Variants in ADGRL2 observed in about 807,000 individuals in gnomAD.
The protein encoded by ADGRL2 is adhesion G protein-coupled receptor L2.
In ADGRL2, 44 loss-of-function variants were observed where a neutral mutation model predicts 157.4. The ratio of observed to expected loss-of-function variants is 0.28; its 90% CI spans 0.22 to 0.36. The LOEUF (loss-of-function observed/expected upper bound fraction) is 0.36. Among genes scored for constraint, ADGRL2 ranks in the 10% least tolerant of loss-of-function variants. The probability of loss-of-function intolerance (pLI) is 1.00; values close to 1 mark genes in which losing one functional copy is unlikely to be tolerated. For missense variants in ADGRL2, 1,510 were observed against 1,768.9 expected (o/e 0.85, Z 2.63); for synonymous variants, 585 against 624.7 (o/e 0.94, Z 0.95).
intron 2 of ADGRL2, among the ~76,000 whole-genome samples, chr1:81,786,431 AGCTGAGTTGTGGT>A (rs2087049767): frequency 6.6e-6 from 1 of 152,106 alleles, no homozygotes; most frequent in Non-Finnish European, 1.5e-5. Context: ...CACAAAAAAT[AGCTGAGTTGTGGT>A]GCACACCTAT....
chr1:81,893,340 G>C (rs995248142), intron 2 of ADGRL2, among the ~76,000 whole-genome samples: 1 of 116,872 alleles, frequency 8.6e-6, no homozygotes, highest in East Asian at 2.0e-4. Flanking sequence ...TTTTTTTCTT[G>C]AATAGTACAG....
intron 3 of ADGRL2, among the ~76,000 whole-genome samples, chr1:81,628,001 A>G (rs2081943044): frequency 3.9e-5 from 6 of 152,166 alleles, no homozygotes; most frequent in Admixed American, 3.9e-4. Context: ...TAACAATCAT[A>G]TTCATTACAG....
intron 2 of ADGRL2, among the ~76,000 whole-genome samples, chr1:81,900,645 A>G (rs1206175747): frequency 1.3e-5 from 2 of 152,218 alleles, no homozygotes; most frequent in African/African-American, 4.8e-5. Flanking sequence ...GGAAATGAAG[A>G]AACCATAAAC....
intron 3 of ADGRL2, among the ~76,000 whole-genome samples, chr1:81,909,728 T>C (rs115935592): frequency 0.019 from 2,874 of 152,216 alleles, 91 homozygotes; most frequent in African/African-American, 0.066. Flanking sequence ...GCTTGTTTTT[T>C]TTTTTACCTT....
At chr1:81,859,068 T>A (rs2093304589) in intron 2 of ADGRL2, among the ~76,000 whole-genome samples, 1 of 152,206 alleles carries the variant, frequency 6.6e-6, no homozygotes, top group Non-Finnish European at 1.5e-5. Flanking sequence ...TCAAATTATT[T>A]GATAACTAGA....
intron 2 of ADGRL2, among the ~76,000 whole-genome samples, chr1:81,536,391 G>A (rs2079738323): frequency 6.6e-6 from 1 of 152,152 alleles, no homozygotes; most frequent in African/African-American, 2.4e-5. Flanking sequence ...GCACATTGAT[G>A]TCTTGAAACA....
chr1:81,445,256 G>C (rs1229094120), intron 2 of ADGRL2, among the ~76,000 whole-genome samples: 1 of 152,150 alleles, frequency 6.6e-6, no homozygotes, highest in African/African-American at 2.4e-5. Flanking sequence ...TGGAGATGAG[G>C]GAAGAAGAAA....
chr1:81,789,172 A>G lies in ADGRL2; in HGVS notation c.-101+27320A>G, dbSNP rs567652163. Among the ~76,000 whole-genome samples the G allele has an allele frequency of 2.6e-5, 4 of 152,288 alleles. No homozygotes were observed. The East Asian group carries it at 7.7e-4, about 29-fold the overall frequency. ...ATTTTATACAGGCCACAGCAGTTTG[A>G]GACCTCTATTTTATGCTTTGCTAAG... On this transcript the variant is annotated intron_variant, in intron 2 of 20. Transcript: ENST00000359929.
chr1:81,469,951 T>C (rs1010447157), intron 2 of ADGRL2, among the ~76,000 whole-genome samples: 1 of 152,218 alleles, frequency 6.6e-6, no homozygotes, highest in African/African-American at 2.4e-5. Flanking sequence ...AGTCAGCCTG[T>C]GGACTGATAG....
At chr1:81,320,656 G>C (rs1361307218) in intron 1 of ADGRL2, among the ~76,000 whole-genome samples, 1 of 152,170 alleles carries the variant, frequency 6.6e-6, no homozygotes, top group East Asian at 1.9e-4. Flanking sequence ...TTGTAAGAAA[G>C]CTTCTTTTCT....
chr1:81,712,235 C>T (rs547941996), intron 1 of ADGRL2, among the ~76,000 whole-genome samples: 1 of 152,226 alleles, frequency 6.6e-6, no homozygotes, highest in East Asian at 1.9e-4. Flanking sequence ...GAAGGAAGGA[C>T]CTGGATGGTT....
chr1:81,674,096 T>C (rs1232278921), intron 3 of ADGRL2, among the ~76,000 whole-genome samples: 1 of 152,238 alleles, frequency 6.6e-6, no homozygotes, highest in Non-Finnish European at 1.5e-5. Flanking sequence ...TAAAATATGT[T>C]ATATCTAATG....
At chr1:81,948,365 A>G (rs1486541956) in intron 6 of ADGRL2, among the ~76,000 whole-genome samples, 1 of 152,166 alleles carries the variant, frequency 6.6e-6, no homozygotes, top group African/African-American at 2.4e-5. Context: ...GGTTATTATG[A>G]ATCTCAACTA....
chr1:81,454,591 C>T (rs4350242), intron 2 of ADGRL2, among the ~76,000 whole-genome samples: 72,747 of 151,948 alleles, frequency 0.48, 19,500 homozygotes, highest in Non-Finnish European at 0.59. Flanking sequence ...TGCATTAAAC[C>T]TACCTGAAGG....
At chr1:81,453,801 T>G (rs1487230022) in intron 2 of ADGRL2, among the ~76,000 whole-genome samples, 1 of 152,318 alleles carries the variant, frequency 6.6e-6, no homozygotes, top group South Asian at 2.1e-4. Flanking sequence ...ATTAGCAATG[T>G]TGTGATGTCC....
intron 2 of ADGRL2, among the ~76,000 whole-genome samples, chr1:81,545,019 A>T (rs1222527162): frequency 6.6e-6 from 1 of 152,170 alleles, no homozygotes; most frequent in Non-Finnish European, 1.5e-5. Context: ...AGGTCACGAG[A>T]CATCCCTGGT....
intron 2 of ADGRL2, among the ~76,000 whole-genome samples, chr1:81,786,170 G>A (rs1050136704): frequency 6.6e-6 from 1 of 152,076 alleles, no homozygotes; most frequent in Non-Finnish European, 1.5e-5. Flanking sequence ...CTATAATCAT[G>A]CTAAAAATTT....
At chr1:81,983,208 G>C (rs1662156070) in intron 19 of ADGRL2, among the ~76,000 whole-genome samples, 1 of 151,852 alleles carries the variant, frequency 6.6e-6, no homozygotes, top group South Asian at 2.1e-4. Context: ...ATGCTTTTTA[G>C]ATTTAACAAT....
intron 2 of ADGRL2, among the ~76,000 whole-genome samples, chr1:81,782,818 A>T (rs1477765283): frequency 6.6e-6 from 1 of 152,238 alleles, no homozygotes; most frequent in Non-Finnish European, 1.5e-5. Flanking sequence ...TGGTTGGGAA[A>T]GCAGAGCTTA....
Sources: gnomAD v4.1 joint callset for allele counts (sites outside exome capture counted in the v4.1 genomes callset) on GRCh38, gnomAD v4.1.1 for gene constraint, MANE v1.5 for transcripts, NCBI Gene and HGNC (gene_info 2026-07-23, HGNC 2026-07-21) for gene names.